Variants in C3orf20 observed in about 807,000 individuals in gnomAD.
C3orf20 encodes family with sequence similarity 149 member C.
C3orf20 carries 76 observed loss-of-function variants against 88.3 expected under a neutral mutation model. That is an observed-to-expected ratio of 0.86 (90% CI 0.72 to 1.04). The LOEUF is 1.04. Ranked by LOEUF, C3orf20 falls within the 50% of genes least tolerant of loss-of-function variation. C3orf20 has a pLI of 0.00. For synonymous variants in C3orf20, 436 were observed against 437.4 expected, an observed-to-expected ratio of 1.00 and a Z score of 0.04; for missense variants, 1,056 against 1,123.3, an observed-to-expected ratio of 0.94 and a Z score of 0.86.
At chr3:14,729,387 G>A (rs1423972950) in intron 12 of C3orf20, among the ~76,000 whole-genome samples, 1 of 152,192 alleles carries the variant, frequency 6.6e-6, no homozygotes, top group Non-Finnish European at 1.5e-5. Context: ...CAGGAGTGAG[G>A]TTGGTATGTG....
intron 12 of C3orf20, among the ~76,000 whole-genome samples, chr3:14,745,038 A>G (rs539562622): frequency 6.6e-6 from 1 of 152,394 alleles, no homozygotes; most frequent in East Asian, 1.9e-4. Flanking sequence ...ATGTAGAGTC[A>G]TGTGTTAATG....
intron 3 of C3orf20, 31 bp downstream of exon 3, chr3:14,683,228 C>T (rs2124886030): frequency 2.6e-6 from 4 of 1,535,706 alleles, no homozygotes; most frequent in Non-Finnish European, 3.5e-6. Context: ...TATGTGCCCA[C>T]CACACCCACT....
At chr3:14,767,634 T>C (rs2035751583) in intron 15 of C3orf20, among the ~76,000 whole-genome samples, 1 of 152,244 alleles carries the variant, frequency 6.6e-6, no homozygotes, top group Non-Finnish European at 1.5e-5. Context: ...TAAACTTTAA[T>C]GCACCCAGTA....
In C3orf20 at chr3:14,704,483, G is replaced by A; in HGVS notation, c.1025G>A (p.Gly342Asp). The A allele has an allele frequency of 6.2e-7, 1 of 1,614,122 alleles. No individual in the cohort carries two copies. The highest frequency in any genetic ancestry group is 8.5e-7 in the Non-Finnish European group (1 of 1,180,016). ...TPGLHYPPTA[G>D]AQTLSPTSHP... is the part of the protein sequence containing the mutation. ...GGTTTACATTACCCTCCCACTGCAG[G>A]TGCTCAGACTCTCAGCCCCACCTCT... Residue 342 changes from glycine (G) to aspartate (D), a missense_variant, in exon 7 of 17, where the codon GGT (glycine) becomes GAT (aspartate). Physicochemically the swap from Gly to Asp is moderately conservative, Grantham distance 94 (BLOSUM62 -1). Transcript: ENST00000253697.
chr3:14,758,421 T>G (rs552419144), intron 13 of C3orf20, among the ~76,000 whole-genome samples: 15 of 152,266 alleles, frequency 9.9e-5, no homozygotes, highest in African/African-American at 3.6e-4. Flanking sequence ...ATCGCTGCAG[T>G]AGAGTCGTTC....
chr3:14,745,338 C>T (rs116777626), intron 12 of C3orf20, among the ~76,000 whole-genome samples: 1,644 of 152,300 alleles, frequency 0.011, 19 homozygotes, highest in African/African-American at 0.038. Flanking sequence ...TGCTGGTGCC[C>T]CTACTGGCAA....
intron 3 of C3orf20, 144 bp downstream of exon 3, chr3:14,683,341 C>T: frequency 9.4e-7 from 1 of 1,067,326 alleles, no homozygotes; most frequent in South Asian, 1.7e-5. Flanking sequence ...ATCATCCTCT[C>T]ACTCCTCCCT....
At position 14,683,940 on chromosome 3, in the gene C3orf20, G is replaced by T. The variant is rs530666661; in HGVS notation, c.485-302G>T. Among the ~76,000 whole-genome samples the T allele has an allele frequency of 1.3e-3, 193 of 151,738 alleles. 1 individual carries two copies. Among genetic ancestry groups the T allele is most frequent in the Admixed American group, 2.9e-3 (44 of 15,250 alleles). On this transcript the variant is annotated intron_variant, in intron 3 of 16. Coordinates refer to ENST00000253697, the MANE Select transcript of C3orf20 (RefSeq NM_032137.5). ...GTGAAGGTGTCATCCCAGGATCAAG[G>T]CCAGGACCTACAGCAGCACCAGTGA...
intron 11 of C3orf20, 123 bp downstream of exon 11, chr3:14,727,147 C>A: frequency 1.7e-6 from 2 of 1,160,468 alleles, no homozygotes; most frequent in Non-Finnish European, 2.5e-6. Context: ...GTCTGAATGT[C>A]CAGGGAAGTA....
In C3orf20 at chr3:14,714,846, ATCC is replaced by A. The variant is rs199510914; in HGVS notation, c.1314-438_1314-436del. Among the ~76,000 whole-genome samples the A allele has an allele frequency of 5.9e-5, 9 of 152,274 alleles. No homozygotes were observed. The East Asian group carries it at 1.2e-3, about 20-fold the overall frequency. On this transcript the variant is annotated intron_variant, in intron 8 of 16. Coordinates refer to ENST00000253697, the MANE Select transcript of C3orf20 (RefSeq NM_032137.5). ...GATCTCAAACTCCTGGCCTCAAACA[ATCC>A]TCCTGCCTCAGCCCCTCAAAGTGCT...
At chr3:14,706,890 T>C (rs1486270314) in intron 7 of C3orf20, among the ~76,000 whole-genome samples, 3 of 152,158 alleles carry the variant, frequency 2.0e-5, no homozygotes, top group Admixed American at 6.5e-5. Flanking sequence ...ATGGCTTCCA[T>C]AGAACACTGG....
At chr3:14,716,753 T>C (rs2033956247) in intron 9 of C3orf20, among the ~76,000 whole-genome samples, 1 of 152,214 alleles carries the variant, frequency 6.6e-6, no homozygotes, top group Admixed American at 6.5e-5. Context: ...TGGTAATTAA[T>C]GTCAGGAAGA....
At chr3:14,759,581 C>G (rs2035493720) in intron 13 of C3orf20, among the ~76,000 whole-genome samples, 1 of 152,198 alleles carries the variant, frequency 6.6e-6, no homozygotes, top group Non-Finnish European at 1.5e-5. Flanking sequence ...GTGCTACCTC[C>G]AGGGCAAGGG....
intron 5 of C3orf20, among the ~76,000 whole-genome samples, chr3:14,699,016 C>T (rs562989344): frequency 9.9e-4 from 150 of 152,232 alleles, no homozygotes; most frequent in African/African-American, 3.3e-3. Context: ...TTCCCTCCCT[C>T]TTCCACAGGC....
intron 3 of C3orf20, among the ~76,000 whole-genome samples, chr3:14,683,622 A>G (rs1261205706): frequency 6.6e-6 from 1 of 152,104 alleles, no homozygotes; most frequent in African/African-American, 2.4e-5. Flanking sequence ...TCACCCCTGT[A>G]ATTCCAGCAC....
intron 2 of C3orf20, 57 bp downstream of exon 2, chr3:14,682,388 G>A (rs981559118): frequency 6.9e-6 from 2 of 290,286 alleles, no homozygotes; most frequent in Non-Finnish European, 1.3e-5. Context: ...CCCCCCCAGG[G>A]TCCTATACCC....
At chr3:14,704,203 A>T (rs2033400042) in intron 6 of C3orf20, 134 bp from the exon 7 acceptor site, 1 of 875,374 alleles carries the variant, frequency 1.1e-6, no homozygotes, top group South Asian at 1.7e-5. Flanking sequence ...ACGAGGGAGC[A>T]TGGGTTGGGG....
chr3:14,707,173 C>G (rs1228609251), intron 7 of C3orf20, among the ~76,000 whole-genome samples: 1 of 140,160 alleles, frequency 7.1e-6, no homozygotes, highest in Admixed American at 8.0e-5. Flanking sequence ...GGCATGAACC[C>G]AGGAGGTGGA....
At chr3:14,680,514 G>A (rs1216864214) in intron 1 of C3orf20, among the ~76,000 whole-genome samples, 1 of 152,132 alleles carries the variant, frequency 6.6e-6, no homozygotes, top group Non-Finnish European at 1.5e-5. Context: ...GAAACAGGGA[G>A]TGACTGATGA....
Sources: gnomAD v4.1 joint callset for allele counts (sites outside exome capture counted in the v4.1 genomes callset) on GRCh38, gnomAD v4.1.1 for gene constraint, MANE v1.5 for transcripts, NCBI Gene and HGNC (gene_info 2026-07-23, HGNC 2026-07-21) for gene names.